The following STXBP5 variants were observed in gnomAD, a reference collection of about 807,000 sequenced individuals.
The protein encoded by STXBP5 is syntaxin binding protein 5, also known as syntaxin-binding protein 5.
Under a neutral mutation model 152.4 loss-of-function variants are expected in STXBP5, and 50 were observed. The ratio of observed to expected loss-of-function variants is 0.33; its 90% confidence interval spans 0.26 to 0.42. STXBP5 has a LOEUF of 0.42. Ranked by LOEUF, STXBP5 falls within the 10% of genes least tolerant of loss-of-function variation. The probability of loss-of-function intolerance (pLI) is 1.00; values close to 1 mark genes in which losing one functional copy is unlikely to be tolerated. For missense variants in STXBP5, 1,167 were observed against 1,388.6 expected (o/e 0.84, Z 2.54); for synonymous variants, 492 against 494.7 (o/e 0.99, Z 0.07).
Position 147,262,329 on chromosome 6 carries a change from T to A in STXBP5, c.606T>A (p.Ser202Arg). The change falls in exon 6 of 28, where the codon AGT becomes AGA. Residue 202 changes from serine (S) to arginine (R), a missense_variant. Ser to Arg is a moderately radical substitution (Grantham distance 110). Coordinates refer to ENST00000321680, the MANE Select transcript of STXBP5 (RefSeq NM_001127715.4). Reference sequence around the variant, plus strand: ...ACCCAGGACCTGTGGTCCATATAAGTGATAATCCAATGGACGAGGGAAAGG... The same window carrying A: ...ACCCAGGACCTGTGGTCCATATAAGAGATAATCCAATGGACGAGGGAAAGG... ...KSHPGPVVHISDNPMDEGKLL... is the reference protein window; with the variant it reads ...KSHPGPVVHIRDNPMDEGKLL... 1 of 1,563,732 alleles carries A rather than the reference T, an allele frequency of 6.4e-7. No homozygotes were observed. Among genetic ancestry groups the A allele is most frequent in the Non-Finnish European group, 8.6e-7 (1 of 1,160,522 alleles).
chr6:147,298,430 G>A (rs1781640009), intron 9 of STXBP5, among the ~76,000 whole-genome samples: 1 of 152,014 alleles, frequency 6.6e-6, no homozygotes, highest in African/African-American at 2.4e-5. Context: ...CATCATCCAG[G>A]CAGAAAATCA....
intron 23 of STXBP5, among the ~76,000 whole-genome samples, chr6:147,361,932 A>G (rs1204869183): frequency 6.6e-6 from 1 of 152,240 alleles, no homozygotes; most frequent in Non-Finnish European, 1.5e-5. Context: ...AGTTTTCTAC[A>G]AAGCTGCTTA....
Position 147,315,635 on chromosome 6 carries a change from C to G in STXBP5, c.1523C>G (p.Ser508Cys). 6.2e-7 allele frequency: 1 copy of G among 1,613,912 alleles called. No individual in the cohort carries two copies. Among genetic ancestry groups the G allele is most frequent in the Non-Finnish European group, 8.5e-7 (1 of 1,179,916 alleles). The change falls in exon 15 of 28, where the codon TCC becomes TGC. Residue 508 changes from serine (S) to cysteine (C), a missense_variant. Physicochemically the swap from Ser to Cys is moderately radical, Grantham distance 112. This residue lies in a region of STXBP5 where 833 missense variants were observed against 986.3 expected (regional missense o/e 0.84). Transcript: ENST00000321680. ...GATCCATATGCCATTCAGATCATCT[C>G]CTGGTGTCCAGAAAGTAGAATGCTG... is the stretch of plus-strand genomic sequence containing the variant. ...DEDPYAIQII[S>C]WCPESRMLCI...
intron 4 of STXBP5, among the ~76,000 whole-genome samples, chr6:147,260,047 A>T: frequency 6.6e-6 from 1 of 152,306 alleles, no homozygotes; most frequent in Admixed American, 6.5e-5. Flanking sequence ...CAGTCCTTCA[A>T]AAGGCCCACA....
chr6:147,263,317 C>T (rs1305045621), intron 6 of STXBP5, among the ~76,000 whole-genome samples: 1 of 147,068 alleles, frequency 6.8e-6, no homozygotes, highest in Non-Finnish European at 1.5e-5. Context: ...CTTCCTGTGC[C>T]TTTTGCTTTT....
At chr6:147,328,150 A>G (rs960760511) in intron 18 of STXBP5, among the ~76,000 whole-genome samples, 3 of 152,206 alleles carry the variant, frequency 2.0e-5, no homozygotes, top group African/African-American at 7.2e-5. Context: ...ACTTAGCTAT[A>G]TATACCAGTA....
At chr6:147,254,848 A>T (rs1340699920) in intron 4 of STXBP5, among the ~76,000 whole-genome samples, 1 of 152,234 alleles carries the variant, frequency 6.6e-6, no homozygotes, top group East Asian at 1.9e-4. Flanking sequence ...GAGAAATAGG[A>T]ATGCGTTTAC....
chr6:147,363,866 C>T, intron 24 of STXBP5, 135 bp from the exon 25 acceptor site: 1 of 1,368,340 alleles, frequency 7.3e-7, no homozygotes, highest in Non-Finnish European at 9.8e-7. Flanking sequence ...GGAGTATAAA[C>T]CATTTTTTAT....
intron 2 of STXBP5, among the ~76,000 whole-genome samples, chr6:147,219,328 T>C (rs548866556): frequency 2.4e-4 from 37 of 152,302 alleles, no homozygotes; most frequent in African/African-American, 8.4e-4. Flanking sequence ...TTGGTAAAAA[T>C]TGTATTGAGA....
At chr6:147,335,382 C>T (rs1273509913) in intron 19 of STXBP5, among the ~76,000 whole-genome samples, 1 of 152,158 alleles carries the variant, frequency 6.6e-6, no homozygotes, top group East Asian at 1.9e-4. Context: ...CTGACTTTCT[C>T]ATCTTCCCCA....
chr6:147,256,603 A>G (rs183885739), intron 4 of STXBP5, among the ~76,000 whole-genome samples: 55 of 152,326 alleles, frequency 3.6e-4, no homozygotes, highest in Non-Finnish European at 6.8e-4. Context: ...CAAGTAGATA[A>G]TGTGAACTTT....
chr6:147,352,200 A>G (rs1012751799), intron 21 of STXBP5, among the ~76,000 whole-genome samples: 1 of 152,236 alleles, frequency 6.6e-6, no homozygotes, highest in Non-Finnish European at 1.5e-5. Flanking sequence ...TAGATTATGC[A>G]TGATCTTATT....
At chr6:147,261,820 T>C (rs2115343293) in intron 5 of STXBP5, among the ~76,000 whole-genome samples, 1 of 152,138 alleles carries the variant, frequency 6.6e-6, no homozygotes, top group East Asian at 1.9e-4. Context: ...AGTTCAACCA[T>C]ATTCTTATTT....
intron 9 of STXBP5, among the ~76,000 whole-genome samples, chr6:147,300,293 A>C (rs1781743517): frequency 6.6e-6 from 1 of 152,128 alleles, no homozygotes; most frequent in Admixed American, 6.5e-5. Flanking sequence ...CAAAAATAGG[A>C]AACTTTCTAA....
intron 2 of STXBP5, among the ~76,000 whole-genome samples, chr6:147,211,609 G>C (rs1776858201): frequency 6.6e-6 from 1 of 152,080 alleles, no homozygotes; most frequent in South Asian, 2.1e-4. Context: ...TGTTTATTTT[G>C]AGTCGGGGTC....
chr6:147,358,570 A>G (rs1582992683), intron 22 of STXBP5, among the ~76,000 whole-genome samples: 1 of 152,098 alleles, frequency 6.6e-6, no homozygotes, highest in African/African-American at 2.4e-5. Flanking sequence ...AAGGACAGCA[A>G]CTCCTCTGCA....
intron 4 of STXBP5, among the ~76,000 whole-genome samples, chr6:147,241,461 C>T (rs1778538621): frequency 6.6e-6 from 1 of 152,182 alleles, no homozygotes; most frequent in African/African-American, 2.4e-5. Context: ...CCCTGTCAGC[C>T]ACTGATCTGT....
intron 19 of STXBP5, among the ~76,000 whole-genome samples, chr6:147,337,354 T>TTTA (rs772698664): frequency 4.6e-5 from 7 of 152,072 alleles, no homozygotes; most frequent in Non-Finnish European, 8.8e-5. Flanking sequence ...AACAATAAGC[T>TTTA]GTAGATATTA....
intron 9 of STXBP5, among the ~76,000 whole-genome samples, chr6:147,293,732 C>T (rs1050906227): frequency 6.6e-6 from 1 of 152,154 alleles, no homozygotes. Context: ...CCTCATTGGC[C>T]AGGTTAGGTC....
Sources: gnomAD v4.1 joint callset for allele counts (sites outside exome capture counted in the v4.1 genomes callset) on GRCh38, gnomAD v4.1.1 for gene constraint, gnomAD v4.1.1 regional missense constraint, MANE v1.5 for transcripts, NCBI Gene and HGNC (gene_info 2026-07-23, HGNC 2026-07-21) for gene names.